The following GPLD1 variants were observed in gnomAD, a reference collection of about 807,000 sequenced individuals.
The protein encoded by GPLD1 is phosphatidylinositol-glycan-specific phospholipase D.
Under a neutral mutation model 112.6 loss-of-function variants are expected in GPLD1, and 84 were observed. That is an observed-to-expected ratio of 0.75 (90% CI 0.63 to 0.89). GPLD1 has a LOEUF of 0.89. Among genes scored for constraint, GPLD1 ranks in the 40% least tolerant of loss-of-function variants. The pLI, the probability that GPLD1 is intolerant of heterozygous loss-of-function variation, is 0.00. For missense variants in GPLD1, 1,044 were observed against 1,051.5 expected, an observed-to-expected ratio of 0.99 and a Z score of 0.10; for synonymous variants, 386 against 403.8, an observed-to-expected ratio of 0.96 and a Z score of 0.53.
At chr6:24,467,092 A>C (rs1312016681) in intron 8 of GPLD1, 75 bp downstream of exon 8, 1 of 1,136,492 alleles carries the variant, frequency 8.8e-7, no homozygotes, top group Non-Finnish European at 1.3e-6. Flanking sequence ...CAGTCTCAGG[A>C]AACAAAAACA....
At chr6:24,461,166 A>G (rs1476539528) in intron 11 of GPLD1, among the ~76,000 whole-genome samples, 4 of 152,284 alleles carry the variant, frequency 2.6e-5, no homozygotes, top group Non-Finnish European at 5.9e-5. Flanking sequence ...GGCTTCAGAA[A>G]TGACTGAAGT....
intron 10 of GPLD1, among the ~76,000 whole-genome samples, chr6:24,465,918 A>C (rs1763596416): frequency 6.6e-6 from 1 of 152,066 alleles, no homozygotes; most frequent in Non-Finnish European, 1.5e-5. Context: ...GTATTAGGTG[A>C]GGTATCCTTT....
At chr6:24,446,748 C>A in intron 18 of GPLD1, 90 bp downstream of exon 18, 2 of 1,272,230 alleles carry the variant, frequency 1.6e-6, no homozygotes, top group Non-Finnish European at 1.1e-6. Context: ...TTTCCTAGCC[C>A]TTTTCCCTCA....
intron 10 of GPLD1, 71 bp downstream of exon 10, chr6:24,466,609 T>A (rs1264673916): frequency 7.8e-6 from 10 of 1,281,484 alleles, no homozygotes; most frequent in Middle Eastern, 2.2e-4. Flanking sequence ...TTGAAAAACC[T>A]GAGAGTTATG....
In GPLD1 at chr6:24,483,053, C is replaced by T. The variant is rs571222487; in HGVS notation, c.153+3022G>A. Among the ~76,000 whole-genome samples, 65 of 152,234 alleles carry T rather than the reference C, an allele frequency of 4.3e-4. No individual in the cohort carries two copies. In the South Asian group the frequency reaches 0.012, roughly 29 times the overall value. On this transcript the variant is annotated intron_variant, in intron 2 of 24. Coordinates refer to ENST00000230036, the MANE Select transcript of GPLD1 (RefSeq NM_001503.4). ...GAATAAAGAATACAGAAAGGCTGCACGCAGCAGCTTATGCCTGTTATCCCA... is the reference window on the plus strand; with the variant it reads ...GAATAAAGAATACAGAAAGGCTGCATGCAGCAGCTTATGCCTGTTATCCCA...
At chr6:24,486,010 CTTTG>C in intron 2 of GPLD1, 61 bp downstream of exon 2, 1 of 951,908 alleles carries the variant, frequency 1.1e-6, no homozygotes, top group Non-Finnish European at 1.7e-6. Flanking sequence ...CTGTTAGGAT[CTTTG>C]TTTGGCACCT....
At chr6:24,430,006 AT>A (rs776117754) in intron 24 of GPLD1, among the ~76,000 whole-genome samples, 2 of 150,206 alleles carry the variant, frequency 1.3e-5, no homozygotes, top group African/African-American at 2.4e-5. Flanking sequence ...ACAGTTTCTT[AT>A]TTAATTTTGA....
chr6:24,485,246 A>G (rs1484569388), intron 2 of GPLD1, among the ~76,000 whole-genome samples: 1 of 152,232 alleles, frequency 6.6e-6, no homozygotes, highest in Non-Finnish European at 1.5e-5. Context: ...AAATAAAAAC[A>G]AAAAAGATGG....
chr6:24,484,818 C>T lies in GPLD1; in HGVS notation c.153+1257G>A, dbSNP rs536859068. Among the ~76,000 whole-genome samples, 14 of 152,254 alleles carry T rather than the reference C, an allele frequency of 9.2e-5. No individual in the cohort carries two copies. The East Asian group carries it at 1.5e-3, about 17-fold the overall frequency. ...TGGCAAGTGAGGAAGCTGAATCTTA[C>T]GACTAAAAGTATTTTGAGGGTACAA... On this transcript the variant is annotated intron_variant, in intron 2 of 24. Transcript: ENST00000230036.
intron 2 of GPLD1, among the ~76,000 whole-genome samples, chr6:24,480,930 G>A (rs1764181609): frequency 6.6e-6 from 1 of 152,236 alleles, no homozygotes; most frequent in African/African-American, 2.4e-5. Flanking sequence ...CCCTCGTGTT[G>A]CAGCTCTGGC....
upstream of GPLD1, among the ~76,000 whole-genome samples, chr6:24,493,457 C>T (rs1014555046): frequency 6.6e-6 from 1 of 152,156 alleles, no homozygotes; most frequent in African/African-American, 2.4e-5. Context: ...CCCTGGGTGA[C>T]AGAATGAGTC....
At chr6:24,477,457 G>A (rs576221076) in intron 3 of GPLD1, among the ~76,000 whole-genome samples, 28 of 152,106 alleles carry the variant, frequency 1.8e-4, no homozygotes, top group African/African-American at 6.5e-4. Flanking sequence ...AGTAGTGCAC[G>A]CCTATAATCC....
At chr6:24,486,299 T>C (rs1232168498) in intron 1 of GPLD1, among the ~76,000 whole-genome samples, 169 bp from the exon 2 acceptor site, 1 of 152,252 alleles carries the variant, frequency 6.6e-6, no homozygotes, top group East Asian at 1.9e-4. Flanking sequence ...TATAGGCTTG[T>C]GCAGTATTTC....
At chr6:24,478,538 C>T (rs893661925) in intron 3 of GPLD1, among the ~76,000 whole-genome samples, 2 of 152,190 alleles carry the variant, frequency 1.3e-5, no homozygotes, top group Non-Finnish European at 2.9e-5. Context: ...TCCTTCTCTA[C>T]CTTGTAGGGT....
At chr6:24,473,730 C>T (rs754341659) in intron 5 of GPLD1, 63 bp from the exon 6 acceptor site, 5 of 1,107,680 alleles carry the variant, frequency 4.5e-6, no homozygotes, top group Admixed American at 1.9e-5. Flanking sequence ...CTTACTTCCA[C>T]AGTCAAGCAA....
rs750851133 is a variant in GPLD1, at chr6:24,452,712, G to A, written c.1335+1303C>T. Among the ~76,000 whole-genome samples, 269 of 151,172 alleles carry A rather than the reference G, an allele frequency of 1.8e-3. 4 individuals carry two copies. Among genetic ancestry groups the A allele is most frequent in the Non-Finnish European group, 1.2e-4 (8 of 67,938 alleles). On this transcript the variant is annotated intron_variant, in intron 14 of 24. Coordinates refer to ENST00000230036, the MANE Select transcript of GPLD1 (RefSeq NM_001503.4). ...AATAACTTAAACCCAGAAGGCAGAG[G>A]TTGCAGTGAGCCAAGATCATGCCAC...
intron 12 of GPLD1, among the ~76,000 whole-genome samples, chr6:24,459,892 C>A (rs944093763): frequency 1.3e-5 from 2 of 152,158 alleles, no homozygotes; most frequent in Non-Finnish European, 2.9e-5. Flanking sequence ...CCAGAACAAA[C>A]CACATATGGA....
At chr6:24,444,195 G>A (rs908367269) in intron 20 of GPLD1, among the ~76,000 whole-genome samples, 2 of 152,100 alleles carry the variant, frequency 1.3e-5, no homozygotes, top group African/African-American at 4.8e-5. Context: ...ACAATAGTGT[G>A]AAACTGGAAA....
intron 15 of GPLD1, among the ~76,000 whole-genome samples, chr6:24,448,630 T>C (rs1581745705): frequency 6.6e-6 from 1 of 152,166 alleles, no homozygotes; most frequent in South Asian, 2.1e-4. Flanking sequence ...CTCAAGATCC[T>C]CCACACACAA....
Sources: allele counts gnomAD v4.1 joint callset (sites outside exome capture counted in the v4.1 genomes callset), GRCh38; gene constraint gnomAD v4.1.1; transcripts MANE v1.5; gene names NCBI Gene and HGNC (gene_info 2026-07-23, HGNC 2026-07-21).